CDC42: variants seen among roughly 807,000 people sequenced by gnomAD.
CDC42 encodes the protein cell division control protein 42 homolog.
Under a neutral mutation model 20.8 loss-of-function variants are expected in CDC42, and 1 was observed. The observed-to-expected ratio is 0.05, with a 90% CI of 0.02 to 0.23. The LOEUF is 0.23. Among genes scored for constraint, CDC42 ranks in the 10% least tolerant of loss-of-function variants. The pLI, the probability that CDC42 is intolerant of heterozygous loss-of-function variation, is 1.00. For synonymous variants in CDC42, 72 were observed against 84.8 expected (o/e 0.85, Z 0.83); for missense variants, 49 against 227.9 (o/e 0.21, Z 5.05).
chr1:22,067,326 TTTC>T (rs1278083973), intron 1 of CDC42, among the ~76,000 whole-genome samples: 2 of 152,016 alleles, frequency 1.3e-5, no homozygotes, highest in Non-Finnish European at 2.9e-5. Context: ...GGTTTTTTCT[TTTC>T]TTCTTTTTCT....
intron 5 of CDC42, 30 bp from the exon 6 acceptor site, chr1:22,091,398 C>A: frequency 7.2e-7 from 1 of 1,380,352 alleles, no homozygotes; most frequent in Non-Finnish European, 1.0e-6. Flanking sequence ...AAAATCAGAC[C>A]GCCCATTTTT....
At chr1:22,075,200 C>G (rs1645534806) in intron 1 of CDC42, among the ~76,000 whole-genome samples, 1 of 152,162 alleles carries the variant, frequency 6.6e-6, no homozygotes, top group South Asian at 2.1e-4. Context: ...GATTAGTCCA[C>G]AACGGTAGCC....
In CDC42 at chr1:22,091,611, T is replaced by G. The variant is rs1645715842; in HGVS notation, c.*94T>G. On this transcript the variant is annotated 3_prime_UTR_variant, in exon 6 of 6. Transcript: ENST00000656825. ...CTAAAGATTAAAAATTAAAATTCGT[T>G]TTTGCAATAATGACAAATGCCCTGC... The G allele has an allele frequency of 1.0e-6, 1 of 962,078 alleles. No homozygotes were observed. Among genetic ancestry groups the G allele is most frequent in the African/African-American group, 1.6e-5 (1 of 60,836 alleles). The allele number at this position is 962,078 out of a possible 1,614,324, so 59.6% of individuals were successfully genotyped here. A position where few individuals can be genotyped will look rare whatever the true frequency, so the allele number is the denominator to read the frequency against.
Position 22,072,344 on chromosome 1 carries a change from G to A in CDC42, c.-50-6085G>A, listed in dbSNP as rs373275960. Among the ~76,000 whole-genome samples, 15 of 151,960 alleles carry A rather than the reference G, an allele frequency of 9.9e-5. No individual in the cohort carries two copies. In the East Asian group the frequency reaches 1.9e-3, roughly 20 times the overall value. On this transcript the variant is annotated intron_variant, in intron 1 of 5. Transcript: ENST00000656825. ...GATCTCCTGACCTCATGATCTGCCC[G>A]CCTCGGCCTCCCAAAGTGCTGGGAT...
intron 5 of CDC42, among the ~76,000 whole-genome samples, chr1:22,091,204 A>G (rs1290050763): frequency 2.6e-5 from 4 of 152,208 alleles, no homozygotes; most frequent in South Asian, 4.1e-4. Context: ...TCAAAGGACC[A>G]CTGTCTCACT....
At chr1:22,060,618 G>T (rs1461475639) in intron 1 of CDC42, among the ~76,000 whole-genome samples, 2 of 152,106 alleles carry the variant, frequency 1.3e-5, no homozygotes, top group East Asian at 3.9e-4. Flanking sequence ...CTATATAAAA[G>T]CAGATGAAGA....
intron 2 of CDC42, among the ~76,000 whole-genome samples, chr1:22,081,131 T>C (rs1021702610): frequency 6.6e-6 from 1 of 152,108 alleles, no homozygotes; most frequent in Non-Finnish European, 1.5e-5. Context: ...ACCATGCCAT[T>C]GCACTCCAGC....
intron 1 of CDC42, among the ~76,000 whole-genome samples, chr1:22,061,406 C>A (rs12750998): frequency 2.4e-5 from 1 of 41,616 alleles, no homozygotes; most frequent in African/African-American, 1.3e-4. Flanking sequence ...AAAACTCTGT[C>A]TCAGGAAAAA....
At chr1:22,054,654 CA>C (rs1645275543) in intron 1 of CDC42, among the ~76,000 whole-genome samples, 1 of 151,818 alleles carries the variant, frequency 6.6e-6, no homozygotes, top group Non-Finnish European at 1.5e-5. Context: ...GATTGGTAAA[CA>C]CTTAAAAGGA....
At chr1:22,060,320 G>T (rs1316932443) in intron 1 of CDC42, among the ~76,000 whole-genome samples, 1 of 151,864 alleles carries the variant, frequency 6.6e-6, no homozygotes, top group African/African-American at 2.4e-5. Flanking sequence ...CTGGGTGACA[G>T]CTGAGACTCC....
chr1:22,078,295 T>C, intron 1 of CDC42, 134 bp from the exon 2 acceptor site: 1 of 483,452 alleles, frequency 2.1e-6, no homozygotes, highest in Non-Finnish European at 3.7e-6. Context: ...TCATTGTGTC[T>C]CTTATTGGGT....
chr1:22,057,282 G>C (rs1645312902), intron 1 of CDC42, among the ~76,000 whole-genome samples: 1 of 152,222 alleles, frequency 6.6e-6, no homozygotes, highest in Non-Finnish European at 1.5e-5. Flanking sequence ...TGGCACAACT[G>C]TGAGGACCCT....
chr1:22,066,808 A>G (rs773395578), intron 1 of CDC42, among the ~76,000 whole-genome samples: 11 of 152,188 alleles, frequency 7.2e-5, no homozygotes, highest in Non-Finnish European at 1.2e-4. Context: ...TCACACCTGT[A>G]ATTCCAGAAC....
chr1:22,055,358 A>C (rs1569945973), intron 1 of CDC42, among the ~76,000 whole-genome samples: 1 of 149,152 alleles, frequency 6.7e-6, no homozygotes, highest in East Asian at 1.9e-4. Context: ...AAGGTATCAC[A>C]TCCTCTGTTT....
rs1242683536 is a variant in CDC42 at position 22,101,318 on chromosome 1, T to C, written c.*9801T>C. On this transcript the variant is annotated 3_prime_UTR_variant, in exon 6 of 6. Transcript: ENST00000656825. The stretch of plus-strand genomic sequence containing the variant: ...TCCTTGGGCAAGTTGCCATACCTTT[T>C]TGGGCCTTGGTTTCCTCATCTCAAT... 1.3e-5 allele frequency: 2 copies of C among 152,252 alleles called. No individual in the cohort carries two copies. The highest frequency in any genetic ancestry group is 4.8e-5 in the African/African-American group (2 of 41,458). The allele number at this position is 152,252 out of a possible 1,614,324, so 9.4% of individuals were successfully genotyped here.
chr1:22,079,870 A>G (rs16826482), intron 2 of CDC42, among the ~76,000 whole-genome samples: 1,910 of 152,138 alleles, frequency 0.013, 46 homozygotes, highest in African/African-American at 0.041. Context: ...TGGGTGTTTT[A>G]TATGTATGTT....
chr1:22,082,874 AATTTTT>A (rs1331434990), intron 3 of CDC42, among the ~76,000 whole-genome samples: 4 of 57,870 alleles, frequency 6.9e-5, no homozygotes. Flanking sequence ...GCACAGAGAA[AATTTTT>A]ATTTTTTTTT....
intron 3 of CDC42, among the ~76,000 whole-genome samples, chr1:22,083,923 T>G (rs12566130): frequency 0.048 from 7,345 of 152,328 alleles, 284 homozygotes; most frequent in East Asian, 0.18. Flanking sequence ...TGTGTGACTA[T>G]TTTTACATAG....
At chr1:22,088,586 A>G (rs1350741581) in intron 5 of CDC42, among the ~76,000 whole-genome samples, 2 of 152,206 alleles carry the variant, frequency 1.3e-5, no homozygotes, top group African/African-American at 2.4e-5. Context: ...CTCTAAAACT[A>G]AAGTCTTAAT....
Sources: gnomAD v4.1 joint callset for allele counts (sites outside exome capture counted in the v4.1 genomes callset) on GRCh38, gnomAD v4.1.1 for gene constraint, MANE v1.5 for transcripts, NCBI Gene and HGNC (gene_info 2026-07-23, HGNC 2026-07-21) for gene names.